Variants in CCSER1 observed in about 807,000 individuals in gnomAD.
The protein encoded by CCSER1 is serine-rich coiled-coil domain-containing protein 1.
Under a neutral mutation model 82.0 loss-of-function variants are expected in CCSER1, and 41 were observed. That is an observed-to-expected ratio of 0.50 (90% CI 0.39 to 0.65). CCSER1 has a LOEUF of 0.65. CCSER1 is among the 30% of genes least tolerant of loss of function. The pLI, the probability that CCSER1 is intolerant of heterozygous loss-of-function variation, is 0.00. For synonymous variants in CCSER1, 414 were observed against 383.9 expected (o/e 1.08, Z -0.92); for missense variants, 1,119 against 1,064.2 (o/e 1.05, Z -0.72).
intron 10 of CCSER1, among the ~76,000 whole-genome samples, chr4:91,111,990 G>T (rs1040456381): frequency 6.6e-6 from 1 of 151,986 alleles, no homozygotes; most frequent in African/African-American, 2.4e-5. Context: ...CCAGTTTTAT[G>T]TTATGAAAGG....
At chr4:90,745,467 C>T (rs868122678) in intron 7 of CCSER1, among the ~76,000 whole-genome samples, 6 of 152,228 alleles carry the variant, frequency 3.9e-5, no homozygotes, top group African/African-American at 1.2e-4. Context: ...GGGCGGGAAG[C>T]GTTATTCTGC....
chr4:90,130,451 A>G (rs561438694), intron 1 of CCSER1, among the ~76,000 whole-genome samples: 1 of 152,330 alleles, frequency 6.6e-6, no homozygotes, highest in South Asian at 2.1e-4. Flanking sequence ...CAGGATTAGT[A>G]CATTGTGGAT....
chr4:91,562,494 G>C (rs1427483580), intron 10 of CCSER1, among the ~76,000 whole-genome samples: 1 of 151,484 alleles, frequency 6.6e-6, no homozygotes, highest in Non-Finnish European at 1.5e-5. Flanking sequence ...CTTGCAAACA[G>C]AGCAGCTGTT....
At chr4:90,230,182 C>G (rs920569720) in intron 1 of CCSER1, among the ~76,000 whole-genome samples, 1 of 152,032 alleles carries the variant, frequency 6.6e-6, no homozygotes, top group Non-Finnish European at 1.5e-5. Context: ...TTTTCAGCAC[C>G]ACACCACACC....
intron 10 of CCSER1, among the ~76,000 whole-genome samples, chr4:91,425,508 C>A (rs1291508789): frequency 6.6e-6 from 1 of 152,012 alleles, no homozygotes; most frequent in Non-Finnish European, 1.5e-5. Flanking sequence ...GTAACAAAGT[C>A]TTGTAATTAA....
intron 10 of CCSER1, among the ~76,000 whole-genome samples, chr4:91,188,492 T>G (rs1734749038): frequency 6.6e-6 from 1 of 152,228 alleles, no homozygotes; most frequent in Non-Finnish European, 1.5e-5. Flanking sequence ...TATGATAAAG[T>G]TGACCTCTTA....
At chr4:90,242,469 G>A (rs1056964320) in intron 1 of CCSER1, among the ~76,000 whole-genome samples, 7 of 152,036 alleles carry the variant, frequency 4.6e-5, no homozygotes, top group Admixed American at 1.3e-4. Context: ...TGAGTCAAAA[G>A]TATACAATTT....
At chr4:90,864,093 G>T (rs956321282) in intron 8 of CCSER1, among the ~76,000 whole-genome samples, 1 of 150,528 alleles carries the variant, frequency 6.6e-6, no homozygotes, top group South Asian at 2.1e-4. Context: ...ATGTCAACTT[G>T]CTCACTAATG....
At chr4:91,417,607 T>A (rs889280697) in intron 10 of CCSER1, among the ~76,000 whole-genome samples, 10 of 151,788 alleles carry the variant, frequency 6.6e-5, no homozygotes, top group African/African-American at 2.4e-4. Context: ...AGCCAAACAC[T>A]GCATGTTTTT....
At chr4:90,807,989 A>G (rs865949789) in intron 7 of CCSER1, among the ~76,000 whole-genome samples, 1 of 152,224 alleles carries the variant, frequency 6.6e-6, no homozygotes, top group Non-Finnish European at 1.5e-5. Flanking sequence ...ATTACTTCAA[A>G]TTTTACTACA....
At chr4:90,259,822 T>G (rs1723988373) in intron 1 of CCSER1, among the ~76,000 whole-genome samples, 1 of 152,318 alleles carries the variant, frequency 6.6e-6, no homozygotes, top group African/African-American at 2.4e-5. Context: ...TTTGTCATGA[T>G]GTATTATCAT....
intron 10 of CCSER1, among the ~76,000 whole-genome samples, chr4:91,212,729 T>G (rs1187610709): frequency 2.0e-5 from 3 of 152,204 alleles, no homozygotes; most frequent in Non-Finnish European, 4.4e-5. Flanking sequence ...TATTCCTTTT[T>G]TAAATAATTT....
At chr4:91,558,743 C>A (rs1461971327) in intron 10 of CCSER1, among the ~76,000 whole-genome samples, 1 of 151,538 alleles carries the variant, frequency 6.6e-6, no homozygotes. Context: ...GACTTATTCA[C>A]TATACGAGAG....
chr4:91,196,157 G>A (rs1312905533), intron 10 of CCSER1, among the ~76,000 whole-genome samples: 4 of 147,810 alleles, frequency 2.7e-5, no homozygotes, highest in Admixed American at 6.7e-5. Flanking sequence ...ACAGCAGTCC[G>A]GCCTGGGCCA....
chr4:91,076,987 G>T (rs1168990302), intron 9 of CCSER1, among the ~76,000 whole-genome samples: 2 of 152,268 alleles, frequency 1.3e-5, no homozygotes, highest in East Asian at 3.9e-4. Context: ...AATCCGCATA[G>T]GGCCTCCCCA....
At chr4:90,874,844 G>A (rs1561286907) in intron 8 of CCSER1, among the ~76,000 whole-genome samples, 3 of 151,984 alleles carry the variant, frequency 2.0e-5, no homozygotes, top group Admixed American at 6.6e-5. Context: ...TCAAGAGATC[G>A]AGACCATCCT....
At chr4:91,533,497 T>C (rs564557276) in intron 10 of CCSER1, among the ~76,000 whole-genome samples, 4 of 152,252 alleles carry the variant, frequency 2.6e-5, no homozygotes, top group Non-Finnish European at 4.4e-5. Flanking sequence ...AGTTGAAATA[T>C]GGATAAAAGA....
chr4:90,219,757 A>T (rs1344899550), intron 1 of CCSER1, among the ~76,000 whole-genome samples: 1 of 152,120 alleles, frequency 6.6e-6, no homozygotes, highest in Non-Finnish European at 1.5e-5. Flanking sequence ...ACTGGTTTTG[A>T]TATCACTCTT....
At chr4:91,063,784 G>A (rs926278938) in intron 9 of CCSER1, among the ~76,000 whole-genome samples, 11 of 152,076 alleles carry the variant, frequency 7.2e-5, no homozygotes, top group Admixed American at 1.3e-4. Flanking sequence ...GCTATATTTC[G>A]CACAATTGAA....
Sources: allele counts gnomAD v4.1 joint callset (sites outside exome capture counted in the v4.1 genomes callset), GRCh38; gene constraint gnomAD v4.1.1; transcripts MANE v1.5; gene names NCBI Gene and HGNC (gene_info 2026-07-23, HGNC 2026-07-21).